Variants in SLC8A1 observed in about 807,000 individuals in gnomAD.
SLC8A1 encodes solute carrier family 8 member A1.
Under a neutral mutation model 68.3 loss-of-function variants are expected in SLC8A1, and 18 were observed. That is an observed-to-expected ratio of 0.26 (90% CI 0.18 to 0.39). The LOEUF is 0.39. Among genes scored for constraint, SLC8A1 ranks in the 10% least tolerant of loss-of-function variants. The pLI, the probability that SLC8A1 is intolerant of heterozygous loss-of-function variation, is 1.00. For synonymous variants in SLC8A1, 475 were observed against 415.5 expected, an observed-to-expected ratio of 1.14 and a Z score of -1.74; for missense variants, 985 against 1,156.7, an observed-to-expected ratio of 0.85 and a Z score of 2.15.
chr2:40,501,928 G>A (rs901441943), intron 1 of SLC8A1, among the ~76,000 whole-genome samples: 1 of 152,008 alleles, frequency 6.6e-6, no homozygotes, highest in Non-Finnish European at 1.5e-5. Flanking sequence ...TCTCTACTCA[G>A]ATGTACTCTG....
At chr2:40,477,501 C>A (rs910872811) in intron 1 of SLC8A1, among the ~76,000 whole-genome samples, 1 of 151,982 alleles carries the variant, frequency 6.6e-6, no homozygotes, top group Non-Finnish European at 1.5e-5. Context: ...TAGATACGAA[C>A]CCTCAACTTT....
At chr2:40,348,011 T>C (rs1381637987) in intron 2 of SLC8A1, among the ~76,000 whole-genome samples, 1 of 152,192 alleles carries the variant, frequency 6.6e-6, no homozygotes. Context: ...TCAGCTGTAT[T>C]TGCTCCAGTG....
chr2:40,175,242 C>A lies in SLC8A1; in HGVS notation c.1913-400G>T, dbSNP rs375318177. ...AATCTAGAAAAATGGAAAGGAAATG[C>A]AAGAAATGAAATGCTTACCAAGCTC... On this transcript the variant is annotated intron_variant, in intron 3 of 7. Coordinates refer to ENST00000406785, the Ensembl canonical transcript of SLC8A1. 27 of 1,611,370 alleles carry A rather than the reference C, an allele frequency of 1.7e-5. No individual in the cohort carries two copies. The highest frequency in any genetic ancestry group is 2.3e-5 in the Non-Finnish European group (27 of 1,177,994).
intron 2 of SLC8A1, among the ~76,000 whole-genome samples, chr2:40,282,766 G>C (rs887067099): frequency 6.6e-6 from 1 of 152,096 alleles, no homozygotes; most frequent in African/African-American, 2.4e-5. Flanking sequence ...CAGTAACAGA[G>C]AACAGCTATT....
chr2:40,270,087 G>A (rs1404610184), intron 2 of SLC8A1, among the ~76,000 whole-genome samples: 5 of 152,190 alleles, frequency 3.3e-5, no homozygotes, highest in African/African-American at 1.2e-4. Context: ...TAGCTCTCAT[G>A]TAAGCTATGC....
rs186850147 is a variant in SLC8A1 at position 40,313,949 on chromosome 2, T to C, written c.1808+114524A>G. 1.2e-4 allele frequency among the ~76,000 whole-genome samples: 19 copies of C among 152,248 alleles called. No individual in the cohort carries two copies. In the East Asian group the frequency reaches 3.5e-3, roughly 28 times the overall value. On this transcript the variant is annotated intron_variant, in intron 2 of 7. Transcript: ENST00000406785. ...TAAATATTTTGTTAGATATACTATT[T>C]GCCAGTATTTTCTTTCAGTCTAGCC... is the stretch of plus-strand genomic sequence containing the variant.
At chr2:40,334,248 T>C (rs1665217009) in intron 2 of SLC8A1, among the ~76,000 whole-genome samples, 1 of 152,192 alleles carries the variant, frequency 6.6e-6, no homozygotes, top group East Asian at 1.9e-4. Flanking sequence ...TCCAGTCCAA[T>C]GTGATGTTAT....
chr2:40,422,254 G>T (rs112514826), intron 2 of SLC8A1, among the ~76,000 whole-genome samples: 1 of 149,376 alleles, frequency 6.7e-6, no homozygotes, highest in African/African-American at 2.6e-5. Context: ...GGGACTAATC[G>T]ATGTTCTACC....
intron 6 of SLC8A1, among the ~76,000 whole-genome samples, chr2:40,145,752 G>A (rs2042345424): frequency 6.6e-6 from 1 of 152,220 alleles, no homozygotes; most frequent in South Asian, 2.1e-4. Context: ...GTTTGTGTAT[G>A]TGTGAGAAAG....
intron 2 of SLC8A1, among the ~76,000 whole-genome samples, chr2:40,323,469 A>G (rs868797865): frequency 6.6e-6 from 1 of 152,196 alleles, no homozygotes; most frequent in Admixed American, 6.6e-5. Flanking sequence ...TCTATTCAAC[A>G]TAAAACAAAT....
At chr2:40,235,553 C>G (rs1406025868) in intron 2 of SLC8A1, among the ~76,000 whole-genome samples, 1 of 151,932 alleles carries the variant, frequency 6.6e-6, no homozygotes, top group South Asian at 2.1e-4. Context: ...AAAACCAGCT[C>G]CTGGATTCAT....
At chr2:40,359,575 C>T (rs542022984) in intron 2 of SLC8A1, among the ~76,000 whole-genome samples, 2 of 152,114 alleles carry the variant, frequency 1.3e-5, no homozygotes, top group Middle Eastern at 3.4e-3. Context: ...TGCATTATAA[C>T]AGTTTGGTTT....
chr2:40,248,999 T>C (rs969278713), intron 2 of SLC8A1, among the ~76,000 whole-genome samples: 21 of 152,186 alleles, frequency 1.4e-4, no homozygotes, highest in African/African-American at 4.8e-4. Flanking sequence ...GGGACATTCA[T>C]TGAGAACAGG....
intron 2 of SLC8A1, among the ~76,000 whole-genome samples, chr2:40,276,985 T>G (rs1295770593): frequency 6.6e-6 from 1 of 152,172 alleles, no homozygotes; most frequent in Non-Finnish European, 1.5e-5. Flanking sequence ...GACAATGAGA[T>G]TCTATGTATC....
intron 2 of SLC8A1, among the ~76,000 whole-genome samples, chr2:40,405,787 T>C (rs1003139104): frequency 6.6e-6 from 1 of 152,206 alleles, no homozygotes; most frequent in African/African-American, 2.4e-5. Flanking sequence ...CTTGTCCTCC[T>C]ATTCCGGGCA....
At chr2:40,423,127 C>T (rs1208002091) in intron 2 of SLC8A1, among the ~76,000 whole-genome samples, 1 of 151,914 alleles carries the variant, frequency 6.6e-6, no homozygotes, top group Non-Finnish European at 1.5e-5. Context: ...ATTTAAAATC[C>T]CATTATACAA....
intron 2 of SLC8A1, among the ~76,000 whole-genome samples, chr2:40,308,152 G>A (rs1316816278): frequency 1.3e-5 from 2 of 152,140 alleles, no homozygotes; most frequent in Non-Finnish European, 2.9e-5. Flanking sequence ...AGCACCAAGT[G>A]CTTAGTGTGG....
At chr2:40,098,189 A>T (rs896179007) in exon 8 of SLC8A1, 3 of 152,094 alleles carry the variant, frequency 2.0e-5, no homozygotes, top group African/African-American at 4.8e-5. Context: ...AGTAAGATTG[A>T]TATTTCCCCA....
At chr2:40,289,214 A>C (rs2068859511) in intron 2 of SLC8A1, among the ~76,000 whole-genome samples, 1 of 149,112 alleles carries the variant, frequency 6.7e-6, no homozygotes, top group Non-Finnish European at 1.5e-5. Flanking sequence ...AGATTAACCA[A>C]ATCCTGTTTT....
Sources: allele counts gnomAD v4.1 joint callset (sites outside exome capture counted in the v4.1 genomes callset), GRCh38; gene constraint gnomAD v4.1.1; transcripts MANE v1.5; gene names NCBI Gene and HGNC (gene_info 2026-07-23, HGNC 2026-07-21).